GRIN2B: variants seen among roughly 807,000 people sequenced by gnomAD.
The protein encoded by GRIN2B is glutamate receptor ionotropic, NMDA 2B.
GRIN2B carries 5 observed loss-of-function variants against 114.5 expected under a neutral mutation model. That is an observed-to-expected ratio of 0.04 (90% confidence interval 0.02 to 0.09). The LOEUF (loss-of-function observed/expected upper bound fraction) is 0.09. GRIN2B is among the 10% of genes least tolerant of loss of function. The pLI, the probability that GRIN2B is intolerant of heterozygous loss-of-function variation, is 1.00. For synonymous variants in GRIN2B, 787 were observed against 745.1 expected (o/e 1.06, Z -0.92); for missense variants, 1,108 against 1,943.5 (o/e 0.57, Z 8.08).
In GRIN2B at chr12:13,562,856, T is replaced by C. The variant is rs1336696438; in HGVS notation, c.4382A>G (p.Asn1461Ser). ...GCTGGAGCCATTGAAAGCCCTGGGG[T>C]TTTTGTTGTTAGGCACACAGGGGTT... ...QSNPCVPNNK[N>S]PRAFNGSSNG... Residue 1461 changes from asparagine to serine, a missense_variant, in exon 14 of 14, where the codon AAC (asparagine) becomes AGC (serine). Physicochemically the swap from Asn to Ser is conservative, Grantham distance 46. Transcript: ENST00000609686. 1 of 1,613,346 alleles carries C rather than the reference T, an allele frequency of 6.2e-7. No individual in the cohort carries two copies. The highest frequency in any genetic ancestry group is 8.5e-7 in the Non-Finnish European group (1 of 1,179,610).
At chr12:13,689,129 CTCT>C (rs1950194130) in intron 4 of GRIN2B, among the ~76,000 whole-genome samples, 1 of 152,304 alleles carries the variant, frequency 6.6e-6, no homozygotes, top group African/African-American at 2.4e-5. Context: ...ATGGCACAAA[CTCT>C]TCTTCTAAGT....
intron 10 of GRIN2B, among the ~76,000 whole-genome samples, chr12:13,600,230 T>C (rs958561924): frequency 1.3e-5 from 2 of 152,194 alleles, no homozygotes; most frequent in Non-Finnish European, 1.5e-5. Context: ...TTTCCCCTCA[T>C]ACTCTCTCCA....
At chr12:13,663,030 A>T (rs968805096) in intron 5 of GRIN2B, among the ~76,000 whole-genome samples, 3 of 152,098 alleles carry the variant, frequency 2.0e-5, no homozygotes, top group Non-Finnish European at 4.4e-5. Flanking sequence ...TCATCCCTAG[A>T]GCTTCTGGTG....
At chr12:13,665,505 A>G (rs1949965558) in intron 5 of GRIN2B, among the ~76,000 whole-genome samples, 1 of 152,106 alleles carries the variant, frequency 6.6e-6, no homozygotes, top group Admixed American at 6.6e-5. Context: ...CCATTAGTCT[A>G]GTTGTACTCT....
intron 10 of GRIN2B, among the ~76,000 whole-genome samples, chr12:13,607,319 A>ATTT (rs1949276965): frequency 1.7e-5 from 1 of 57,642 alleles, no homozygotes; most frequent in Non-Finnish European, 3.1e-5. Flanking sequence ...ATATAATATA[A>ATTT]AATATATAAT....
intron 2 of GRIN2B, among the ~76,000 whole-genome samples, chr12:13,912,300 G>A (rs973428960): frequency 6.6e-6 from 1 of 152,132 alleles, no homozygotes; most frequent in Non-Finnish European, 1.5e-5. Flanking sequence ...AAGCAAAAGA[G>A]AGGAGAAACA....
At position 13,615,732 on chromosome 12, in the gene GRIN2B, C is replaced by T; in HGVS notation, c.1329-68G>A. Reference sequence around the variant, plus strand: ...TTGTACAAAAAGCCAACATTTATTACCCTTTGCCATTAAAAAACCTCCAAT... The same window carrying T: ...TTGTACAAAAAGCCAACATTTATTATCCTTTGCCATTAAAAAACCTCCAAT... On this transcript the variant is annotated intron_variant, in intron 6 of 13. Coordinates refer to ENST00000609686, the MANE Select transcript of GRIN2B (RefSeq NM_000834.5). This position sits in a 1 kb window ranked among gnomAD's most constrained non-coding sequence, Gnocchi z 5.8. The T allele has an allele frequency of 7.3e-7, 1 of 1,377,560 alleles. No homozygotes were observed. The highest frequency in any genetic ancestry group is 1.0e-6 in the Non-Finnish European group (1 of 965,180). 85.3% of individuals were successfully genotyped at this position (1,377,560 alleles called of 1,614,324 possible).
intron 4 of GRIN2B, among the ~76,000 whole-genome samples, chr12:13,696,784 T>G (rs1950263303): frequency 6.6e-6 from 1 of 152,190 alleles, no homozygotes; most frequent in East Asian, 1.9e-4. Flanking sequence ...CTCTTCATTA[T>G]CAGTACTAAT....
chr12:13,814,865 G>C (rs1343272939), intron 3 of GRIN2B, among the ~76,000 whole-genome samples: 1 of 152,174 alleles, frequency 6.6e-6, no homozygotes, highest in Non-Finnish European at 1.5e-5. Flanking sequence ...AGGAACTTCA[G>C]AGCATTGAGA....
chr12:13,808,762 T>C (rs1329852017), intron 3 of GRIN2B, among the ~76,000 whole-genome samples: 1 of 146,158 alleles, frequency 6.8e-6, no homozygotes, highest in South Asian at 2.2e-4. Context: ...AATATATATA[T>C]ATATATATAC....
In GRIN2B at chr12:13,615,322, C is replaced by G. The variant is rs553219666; in HGVS notation, c.1501-55G>C. ...AACATTCAGGAGGGCAAGGGACCAC[C>G]ACAAGGAAAATACAGCCTATCAGTG... On this transcript the variant is annotated intron_variant, in intron 7 of 13. Transcript: ENST00000609686. The surrounding 1 kb of genome is among the most constrained non-coding windows in gnomAD (Gnocchi z 5.8). 11 of 1,574,758 alleles carry G rather than the reference C, an allele frequency of 7.0e-6. No homozygotes were observed. The East Asian group carries it at 1.1e-4, about 16-fold the overall frequency.
In GRIN2B at chr12:13,936,958, G is replaced by A. The variant is rs139521267; in HGVS notation, c.-19+42970C>T. 3.2e-3 allele frequency among the ~76,000 whole-genome samples: 481 copies of A among 151,870 alleles called. 2 individuals are homozygous for A. Among genetic ancestry groups the A allele is most frequent in the Non-Finnish European group, 5.5e-3 (375 of 67,936 alleles). ...AAATTGGAGATGGCAGAGAGTTGGTGAACTTGAAGACAGATTAATAATATC... is the reference window on the plus strand; with the variant it reads ...AAATTGGAGATGGCAGAGAGTTGGTAAACTTGAAGACAGATTAATAATATC... On this transcript the variant is annotated intron_variant, in intron 2 of 13. Transcript: ENST00000609686.
At chr12:13,643,294 C>A (rs1355558981) in intron 5 of GRIN2B, among the ~76,000 whole-genome samples, 2 of 152,130 alleles carry the variant, frequency 1.3e-5, no homozygotes, top group Non-Finnish European at 2.9e-5. Context: ...AAAAAAGTCA[C>A]ACAAATTTTT....
intron 4 of GRIN2B, among the ~76,000 whole-genome samples, chr12:13,692,463 G>A (rs1950222535): frequency 6.6e-6 from 1 of 151,992 alleles, no homozygotes. Context: ...GGCTGGGTGG[G>A]GCCCCTGTCT....
At chr12:13,821,942 A>T (rs985203304) in intron 3 of GRIN2B, among the ~76,000 whole-genome samples, 4 of 152,204 alleles carry the variant, frequency 2.6e-5, no homozygotes, top group African/African-American at 7.2e-5. Flanking sequence ...TGAAGCTGTA[A>T]GAAGCCTGCC....
intron 4 of GRIN2B, among the ~76,000 whole-genome samples, chr12:13,733,090 T>G (rs1228412121): frequency 6.6e-6 from 1 of 151,768 alleles, no homozygotes; most frequent in Non-Finnish European, 1.5e-5. Flanking sequence ...AGGAAAGGAG[T>G]GAGGGCCAGG....
At chr12:13,756,161 G>A (rs901845763) in intron 3 of GRIN2B, among the ~76,000 whole-genome samples, 16 of 152,042 alleles carry the variant, frequency 1.1e-4, no homozygotes, top group Admixed American at 6.6e-5. Flanking sequence ...GATTACAGGC[G>A]CCCACCACCA....
chr12:13,866,773 T>C (rs57732403), intron 2 of GRIN2B, among the ~76,000 whole-genome samples: 2,047 of 152,344 alleles, frequency 0.013, 46 homozygotes, highest in African/African-American at 0.047. Context: ...TTAGTAACCT[T>C]GTTAGTATCT....
chr12:13,868,832 C>A (rs1303400826), intron 2 of GRIN2B, among the ~76,000 whole-genome samples: 1 of 152,140 alleles, frequency 6.6e-6, no homozygotes, highest in East Asian at 1.9e-4. Flanking sequence ...AAGCACTTTA[C>A]AAAGCAATAC....
Sources: allele counts gnomAD v4.1 joint callset (sites outside exome capture counted in the v4.1 genomes callset), GRCh38; gene constraint gnomAD v4.1.1; non-coding constraint Gnocchi (gnomAD v3.1); transcripts MANE v1.5; gene names NCBI Gene and HGNC (gene_info 2026-07-23, HGNC 2026-07-21).